Variants in FAM13C observed in about 807,000 individuals in gnomAD.
FAM13C encodes protein FAM13C.
In FAM13C, 37 loss-of-function variants were observed where a neutral mutation model predicts 73.2. The observed-to-expected ratio is 0.51, with a 90% CI of 0.39 to 0.67. The LOEUF (loss-of-function observed/expected upper bound fraction) is 0.67. FAM13C is among the 30% of genes least tolerant of loss of function. FAM13C has a pLI of 0.00. For missense variants in FAM13C, 589 were observed against 715.6 expected (o/e 0.82, Z 2.02); for synonymous variants, 246 against 260.9 (o/e 0.94, Z 0.55).
intron 3 of FAM13C, among the ~76,000 whole-genome samples, chr10:59,348,962 GT>G (rs200776795): frequency 3.3e-5 from 5 of 151,734 alleles, no homozygotes; most frequent in African/African-American, 7.3e-5. Context: ...ATATCTTGAG[GT>G]TTTTTTTCTC....
At chr10:59,304,439 T>C (rs929299697) in intron 4 of FAM13C, among the ~76,000 whole-genome samples, 2 of 152,266 alleles carry the variant, frequency 1.3e-5, no homozygotes, top group Non-Finnish European at 1.5e-5. Flanking sequence ...TCTAGGCCTG[T>C]GTCCTAAATC....
In FAM13C at chr10:59,284,199, T is replaced by C. The variant is rs150604402; in HGVS notation, c.508-752A>G. Among the ~76,000 whole-genome samples the C allele has an allele frequency of 5.8e-4, 89 of 152,242 alleles. 1 individual carries two copies. The East Asian group carries it at 0.017, about 28-fold the overall frequency. ...TCAGCATAACCTCCCACCCACTCTC[T>C]TCATTTCTCATTTAAAATTTCTCCC... On this transcript the variant is annotated intron_variant, in intron 5 of 13. Transcript: ENST00000618804.
chr10:59,283,029 A>G (rs1418700217), intron 6 of FAM13C, among the ~76,000 whole-genome samples: 1 of 152,194 alleles, frequency 6.6e-6, no homozygotes, highest in African/African-American at 2.4e-5. Flanking sequence ...ATCTAGGTCC[A>G]GTAATATAAA....
At chr10:59,264,644 A>G (rs1311493811) in intron 8 of FAM13C, among the ~76,000 whole-genome samples, 1 of 152,172 alleles carries the variant, frequency 6.6e-6, no homozygotes, top group Admixed American at 6.6e-5. Context: ...GAGAATACTG[A>G]AAAACTGGAA....
intron 8 of FAM13C, among the ~76,000 whole-genome samples, chr10:59,265,205 C>T (rs1246647487): frequency 1.3e-5 from 2 of 151,674 alleles, no homozygotes; most frequent in Non-Finnish European, 2.9e-5. Context: ...GATTTAAAAA[C>T]CATACATTTT....
intron 3 of FAM13C, among the ~76,000 whole-genome samples, chr10:59,332,984 C>CTTAT (rs776356047): frequency 2.2e-3 from 258 of 115,324 alleles, no homozygotes; most frequent in African/African-American, 4.5e-3. Flanking sequence ...ATTGTTGTCA[C>CTTAT]TTATTTATTT....
chr10:59,360,793 G>C (rs963567343), intron 1 of FAM13C, among the ~76,000 whole-genome samples: 1 of 149,928 alleles, frequency 6.7e-6, no homozygotes, highest in East Asian at 2.0e-4. Flanking sequence ...GAACTCCTTG[G>C]GGAGTGTCCA....
At chr10:59,278,404 T>C (rs1484458642) in intron 6 of FAM13C, among the ~76,000 whole-genome samples, 1 of 152,180 alleles carries the variant, frequency 6.6e-6, no homozygotes, top group African/African-American at 2.4e-5. Context: ...CTGATGCAAA[T>C]AAAGAGGTCA....
At chr10:59,270,881 C>A (rs1322577781) in intron 6 of FAM13C, among the ~76,000 whole-genome samples, 1 of 152,154 alleles carries the variant, frequency 6.6e-6, no homozygotes, top group Non-Finnish European at 1.5e-5. Context: ...CTTCTCTGAA[C>A]CCTCTCCCCG....
chr10:59,253,970 A>C (rs1179987414), intron 11 of FAM13C: 4 of 220,512 alleles, frequency 1.8e-5, no homozygotes, highest in Admixed American at 1.2e-4. Flanking sequence ...TATATTGTTA[A>C]TTTTCTGATT....
intron 6 of FAM13C, among the ~76,000 whole-genome samples, chr10:59,274,209 C>T: frequency 7.2e-6 from 1 of 139,426 alleles, no homozygotes; most frequent in Admixed American, 6.8e-5. Context: ...TGAAAAACAA[C>T]CAAGAAAACA....
At chr10:59,266,627 T>C (rs1843098934) in intron 8 of FAM13C, among the ~76,000 whole-genome samples, 1 of 152,220 alleles carries the variant, frequency 6.6e-6, no homozygotes, top group Non-Finnish European at 1.5e-5. Context: ...TTCCTTCCCC[T>C]ACTGCTCCCT....
chr10:59,290,652 CT>C (rs1846112726), intron 5 of FAM13C, among the ~76,000 whole-genome samples: 1 of 152,236 alleles, frequency 6.6e-6, no homozygotes, highest in Admixed American at 6.5e-5. Flanking sequence ...AGGGGGCCCC[CT>C]AGTGTCTCTT....
chr10:59,302,381 A>G (rs1217012878), intron 5 of FAM13C, among the ~76,000 whole-genome samples: 1 of 152,212 alleles, frequency 6.6e-6, no homozygotes, highest in Non-Finnish European at 1.5e-5. Context: ...TGCAAACACT[A>G]AACTATATCA....
intron 6 of FAM13C, 175 bp from the exon 7 acceptor site, chr10:59,270,284 G>A: frequency 1.6e-6 from 1 of 643,286 alleles, no homozygotes; most frequent in Non-Finnish European, 2.6e-6. Flanking sequence ...CACAGAACCT[G>A]GACAGAAAAT....
chr10:59,329,797 G>A (rs190834360), intron 3 of FAM13C, among the ~76,000 whole-genome samples: 7 of 152,054 alleles, frequency 4.6e-5, no homozygotes, highest in Admixed American at 3.9e-4. Flanking sequence ...TTCACTGAGC[G>A]CTTGCTCTGT....
chr10:59,265,696 T>C (rs1842996728), intron 8 of FAM13C, among the ~76,000 whole-genome samples: 1 of 152,132 alleles, frequency 6.6e-6, no homozygotes, highest in Non-Finnish European at 1.5e-5. Flanking sequence ...CTACGGTGCA[T>C]AGAACTTAGA....
At chr10:59,255,346 G>A (rs560249661) in intron 10 of FAM13C, among the ~76,000 whole-genome samples, 2 of 152,108 alleles carry the variant, frequency 1.3e-5, no homozygotes, top group Admixed American at 1.3e-4. Context: ...CCCCTCTGCT[G>A]TAAGACCCAT....
At chr10:59,279,538 C>T (rs1436124031) in intron 6 of FAM13C, among the ~76,000 whole-genome samples, 1 of 152,172 alleles carries the variant, frequency 6.6e-6, no homozygotes, top group Non-Finnish European at 1.5e-5. Context: ...ATTCTGGTGA[C>T]AGTTTTTGCT....
Sources: gnomAD v4.1 joint callset for allele counts (sites outside exome capture counted in the v4.1 genomes callset) on GRCh38, gnomAD v4.1.1 for gene constraint, MANE v1.5 for transcripts, NCBI Gene and HGNC (gene_info 2026-07-23, HGNC 2026-07-21) for gene names.